MDN1: variants seen among roughly 807,000 people sequenced by gnomAD.
The protein encoded by MDN1 is midasin.
MDN1 carries 266 observed loss-of-function variants against 669.2 expected under a neutral mutation model. That is an observed-to-expected ratio of 0.40 (90% CI 0.36 to 0.44). The LOEUF is 0.44. Among genes scored for constraint, MDN1 ranks in the 20% least tolerant of loss-of-function variants. The pLI is 1.00. For synonymous variants in MDN1, 2,385 were observed against 2,457.1 expected, an observed-to-expected ratio of 0.97 and a Z score of 0.87; for missense variants, 5,940 against 6,754.0, an observed-to-expected ratio of 0.88 and a Z score of 4.22.
intron 2 of MDN1, among the ~76,000 whole-genome samples, chr6:89,798,633 T>A (rs1819740917): frequency 6.6e-6 from 1 of 152,218 alleles, no homozygotes; most frequent in East Asian, 1.9e-4. Flanking sequence ...AAGCTAAAAA[T>A]AAACAAAAAA....
intron 1 of MDN1, among the ~76,000 whole-genome samples, chr6:89,818,299 C>A (rs1464208408): frequency 8.3e-6 from 1 of 120,360 alleles, no homozygotes; most frequent in Non-Finnish European, 1.6e-5. Context: ...CCAGTCTGGA[C>A]GACAGAGCGT....
At position 89,653,086 on chromosome 6, in the gene MDN1, T is replaced by C. The variant is rs567270965; in HGVS notation, c.15731A>G (p.Lys5244Arg). Residue 5244 changes from lysine (K) to arginine (R), a missense_variant, in exon 94 of 102, where the codon AAA (lysine) becomes AGA (arginine). Physicochemically the swap from Lys to Arg is conservative, Grantham distance 26 (BLOSUM62 2). Coordinates refer to ENST00000369393, the MANE Select transcript of MDN1 (RefSeq NM_014611.3). The stretch of plus-strand genomic sequence containing the variant: ...CTCATTTTCTGTCTCCTTATGGGCT[T>C]TGTCTGTTCTGGGGTCTTGGTCTTC... Reference protein sequence around the residue: ...TEEDQDPRTDKAHKETENEKP... With the variant: ...TEEDQDPRTDRAHKETENEKP... The C allele has an allele frequency of 1.2e-6, 2 of 1,614,158 alleles. No homozygotes were observed. Among genetic ancestry groups the C allele is most frequent in the Admixed American group, 1.7e-5 (1 of 60,028 alleles).
intron 1 of MDN1, among the ~76,000 whole-genome samples, chr6:89,804,916 G>T (rs1353116146): frequency 6.6e-6 from 1 of 151,082 alleles, no homozygotes; most frequent in Non-Finnish European, 1.5e-5. Context: ...GGCGCCTGTA[G>T]TCCCAGCTAC....
At position 89,819,514 on chromosome 6, in the gene MDN1, C is replaced by A; in HGVS notation, c.94G>T (p.Ala32Ser). The stretch of plus-strand genomic sequence containing the variant: ...CTCCCTTCACGTCTTACCTGCTTGG[C>A]CAAGAACCTGCCCAACTCACTGCGG... ...KSRSELGRFLAKQVWTPQDRQ... is the reference protein window; with the variant it reads ...KSRSELGRFLSKQVWTPQDRQ... Residue 32 changes from alanine to serine, a missense_variant, in exon 1 of 102, where the codon GCC (alanine) becomes TCC (serine). Ala to Ser is a moderately conservative substitution (Grantham distance 99). Coordinates refer to ENST00000369393, the MANE Select transcript of MDN1 (RefSeq NM_014611.3). 1 of 1,606,070 alleles carries A rather than the reference C, an allele frequency of 6.2e-7. No individual in the cohort carries two copies. The highest frequency in any genetic ancestry group is 8.5e-7 in the Non-Finnish European group (1 of 1,179,928).
chr6:89,807,968 C>A (rs1768123006), intron 1 of MDN1, among the ~76,000 whole-genome samples: 1 of 152,044 alleles, frequency 6.6e-6, no homozygotes, highest in Non-Finnish European at 1.5e-5. Flanking sequence ...AGTCCCTGCA[C>A]ATATAATTAC....
At chr6:89,805,146 C>T (rs1190793291) in intron 1 of MDN1, among the ~76,000 whole-genome samples, 1 of 150,798 alleles carries the variant, frequency 6.6e-6, no homozygotes, top group African/African-American at 2.4e-5. Context: ...AGTGTGTATA[C>T]AGGTCTGCAC....
At chr6:89,715,271 A>G (rs1814274056) in intron 45 of MDN1, among the ~76,000 whole-genome samples, 1 of 152,194 alleles carries the variant, frequency 6.6e-6, no homozygotes, top group African/African-American at 2.4e-5. Flanking sequence ...AGCCAAAAAC[A>G]TAGGTGTCAT....
intron 38 of MDN1, among the ~76,000 whole-genome samples, chr6:89,724,242 A>C (rs962777902): frequency 1.4e-4 from 21 of 152,228 alleles, no homozygotes; most frequent in African/African-American, 5.1e-4. Context: ...TCACTATAAA[A>C]GTCATCCAAT....
At position 89,672,114 on chromosome 6, in the gene MDN1, T is replaced by C; in HGVS notation, c.13794+86A>G. 2.9e-6 allele frequency: 4 copies of C among 1,391,446 alleles called. No individual in the cohort carries two copies. The South Asian group carries it at 6.4e-5, about 22-fold the overall frequency. 86.2% of individuals were successfully genotyped at this position (1,391,446 alleles called of 1,614,324 possible). ...TGGCACTGAGGCCTGCTCTGGCACTTATCTACGTGGAGGGAAGTAAAGCCC... is the reference window on the plus strand; with the variant it reads ...TGGCACTGAGGCCTGCTCTGGCACTCATCTACGTGGAGGGAAGTAAAGCCC... On this transcript the variant is annotated intron_variant, in intron 82 of 101. Coordinates refer to ENST00000369393, the MANE Select transcript of MDN1 (RefSeq NM_014611.3).
chr6:89,802,163 G>A (rs778681630), intron 2 of MDN1, among the ~76,000 whole-genome samples: 7 of 152,044 alleles, frequency 4.6e-5, no homozygotes, highest in Admixed American at 1.3e-4. Context: ...AGCCAGGAAC[G>A]TTCTCAGAGT....
chr6:89,688,459 G>T, intron 66 of MDN1, 114 bp downstream of exon 66: 1 of 918,070 alleles, frequency 1.1e-6, no homozygotes, highest in Non-Finnish European at 1.6e-6. Context: ...AGTTCTTTAA[G>T]CCTTTGTTTA....
chr6:89,729,088 G>A lies in MDN1; in HGVS notation c.5192C>T (p.Thr1731Ile). Reference protein sequence around the residue: ...NIADYALSAGTTAMNAQRLLR... With the variant: ...NIADYALSAGITAMNAQRLLR... ...GAGCCTCTGTGCATTCATAGCAGTGGTCCCTGCACTGAGTGCATAGTCTGC... is the reference window on the plus strand; with the variant it reads ...GAGCCTCTGTGCATTCATAGCAGTGATCCCTGCACTGAGTGCATAGTCTGC... Residue 1731 changes from threonine to isoleucine, a missense_variant, in exon 36 of 102, where the codon ACC becomes ATC. Around this residue, in one of 5 missense-constraint regions of MDN1, gnomAD observed 2,292 missense variants for 2,638.3 expected, o/e 0.87. Transcript: ENST00000369393. 6.2e-7 allele frequency: 1 copy of A among 1,613,920 alleles called. No homozygotes were observed. The highest frequency in any genetic ancestry group is 1.7e-4 in the Middle Eastern group (1 of 5,972).
intron 1 of MDN1, among the ~76,000 whole-genome samples, chr6:89,818,511 C>T (rs1285224299): frequency 2.0e-5 from 3 of 150,970 alleles, no homozygotes; most frequent in African/African-American, 7.3e-5. Context: ...ACCTGGGACC[C>T]AAGTACCTGG....
intron 77 of MDN1, 95 bp downstream of exon 77, chr6:89,676,007 G>A: frequency 8.3e-6 from 9 of 1,088,798 alleles, no homozygotes; most frequent in Non-Finnish European, 1.2e-5. Flanking sequence ...CTAACAGGCT[G>A]TTATCACTTA....
At chr6:89,699,460 C>CT in intron 58 of MDN1, 141 bp downstream of exon 58, 1 of 850,474 alleles carries the variant, frequency 1.2e-6, no homozygotes, top group Non-Finnish European at 1.7e-6. Flanking sequence ...AAATTCTTCC[C>CT]TTTAAGAGGC....
chr6:89,790,819 G>A (rs1311822706), intron 5 of MDN1, among the ~76,000 whole-genome samples: 3 of 152,170 alleles, frequency 2.0e-5, no homozygotes, highest in African/African-American at 4.8e-5. Flanking sequence ...TCAGGAGTTC[G>A]AGACCAGCCT....
At position 89,718,973 on chromosome 6, in the gene MDN1, G is replaced by A. The variant is rs1342935600; in HGVS notation, c.6115C>T (p.Leu2039=). The part of the protein sequence containing the change: ...SCVPHPSRHP[L]LLLHQSFQPL... ...TGGAATGACTGGTGCAGGAGCAACA[G>A]GGGATGGCGGGACGGGTGAGGAACA... is the stretch of plus-strand genomic sequence containing the variant. Residue 2039 remains leucine (L), a synonymous_variant, in exon 42 of 102, where the codon CTG becomes TTG. Transcript: ENST00000369393. 6.2e-7 allele frequency: 1 copy of A among 1,614,180 alleles called. No homozygotes were observed. The highest frequency in any genetic ancestry group is 8.5e-7 in the Non-Finnish European group (1 of 1,180,016).
rs543684058 is a variant in MDN1, at chr6:89,671,573, A to C, written c.13795-493T>G. 5.3e-5 allele frequency among the ~76,000 whole-genome samples: 8 copies of C among 152,330 alleles called. No individual in the cohort carries two copies. The South Asian group carries it at 1.2e-3, about 24-fold the overall frequency. On this transcript the variant is annotated intron_variant, in intron 82 of 101. Coordinates refer to ENST00000369393, the MANE Select transcript of MDN1 (RefSeq NM_014611.3). ...GTGGTGCATGCCTATACTGCCAGCT[A>C]TCTGGGAGGCTGAGGTGTGAGGATC...
intron 31 of MDN1, among the ~76,000 whole-genome samples, chr6:89,740,916 T>C (rs778304036): frequency 2.0e-5 from 3 of 152,154 alleles, no homozygotes; most frequent in Admixed American, 6.5e-5. Context: ...AAGGATTCTA[T>C]TGAATGATGG....
Sources: gnomAD v4.1 joint callset for allele counts (sites outside exome capture counted in the v4.1 genomes callset) on GRCh38, gnomAD v4.1.1 for gene constraint, gnomAD v4.1.1 regional missense constraint, MANE v1.5 for transcripts, NCBI Gene and HGNC (gene_info 2026-07-23, HGNC 2026-07-21) for gene names.